Variants in SERINC5 observed in about 807,000 individuals in gnomAD.
SERINC5 encodes the protein serine incorporator 5, also known as chromosome 5 open reading frame 12.
In SERINC5, 41 loss-of-function variants were observed where a neutral mutation model predicts 63.1. That is an observed-to-expected ratio of 0.65 (90% CI 0.51 to 0.84). The LOEUF (loss-of-function observed/expected upper bound fraction) is 0.84, where lower values mean the gene tolerates loss of function less well. SERINC5 is among the 40% of genes least tolerant of loss of function. The pLI is 0.00. For missense variants in SERINC5, 523 were observed against 573.0 expected (o/e 0.91, Z 0.89); for synonymous variants, 222 against 215.2 (o/e 1.03, Z -0.28).
intron 1 of SERINC5, among the ~76,000 whole-genome samples, chr5:80,225,258 A>G (rs930072427): frequency 6.6e-6 from 1 of 152,246 alleles, no homozygotes; most frequent in Non-Finnish European, 1.5e-5. Flanking sequence ...TTTAATGTTT[A>G]TCACAGCCCT....
In SERINC5 at chr5:80,139,214, T is replaced by G; in HGVS notation, c.*4449A>C. On this transcript the variant is annotated 3_prime_UTR_variant, in exon 12 of 12. Transcript: ENST00000507668. ...ATTAGCAAAGTTATATCTATAAAAC[T>G]TTTGTAGTTTTCTTTTTGCAAAGTA... The G allele has an allele frequency of 3.1e-6, 3 of 978,068 alleles. No individual in the cohort carries two copies. The South Asian group carries it at 1.4e-4, about 46-fold the overall frequency. 60.6% of individuals were successfully genotyped at this position (978,068 alleles called of 1,614,324 possible). A position where few individuals can be genotyped will look rare whatever the true frequency, so the allele number is the denominator to read the frequency against.
chr5:80,132,615 C>G (rs1175212862), intron 11 of SERINC5, among the ~76,000 whole-genome samples: 1 of 150,852 alleles, frequency 6.6e-6, no homozygotes, highest in African/African-American at 2.4e-5. Flanking sequence ...TTTTTTATTT[C>G]CACCATGCCT....
At chr5:80,250,347 A>C (rs1488547064) in intron 1 of SERINC5, among the ~76,000 whole-genome samples, 2 of 151,908 alleles carry the variant, frequency 1.3e-5, no homozygotes, top group Non-Finnish European at 2.9e-5. Flanking sequence ...CATCATCATT[A>C]TTATTATTTT....
intron 1 of SERINC5, among the ~76,000 whole-genome samples, chr5:80,213,935 C>T (rs1428976856): frequency 6.6e-6 from 1 of 152,200 alleles, no homozygotes; most frequent in Non-Finnish European, 1.5e-5. Context: ...TGATTCTACA[C>T]TCTCTAAGCA....
chr5:80,169,788 G>C (rs1747532893), intron 5 of SERINC5, among the ~76,000 whole-genome samples: 1 of 152,184 alleles, frequency 6.6e-6, no homozygotes. Context: ...AACAATGAGA[G>C]AATTCCACTT....
At chr5:80,238,604 C>T (rs1256860281) in intron 1 of SERINC5, among the ~76,000 whole-genome samples, 1 of 151,822 alleles carries the variant, frequency 6.6e-6, no homozygotes, top group African/African-American at 2.4e-5. Context: ...ACCAACGTGG[C>T]AAAACCCGAT....
At chr5:80,234,464 T>C (rs1751597201) in intron 1 of SERINC5, among the ~76,000 whole-genome samples, 1 of 152,170 alleles carries the variant, frequency 6.6e-6, no homozygotes, top group Non-Finnish European at 1.5e-5. Flanking sequence ...TGCAAAAATG[T>C]GTTAAACTCT....
chr5:80,207,782 A>T (rs1750242983), intron 1 of SERINC5, among the ~76,000 whole-genome samples: 1 of 152,198 alleles, frequency 6.6e-6, no homozygotes, highest in African/African-American at 2.4e-5. Context: ...ATCAAAGTAA[A>T]CTATGCTAAT....
intron 1 of SERINC5, among the ~76,000 whole-genome samples, chr5:80,241,076 T>C (rs1751918496): frequency 6.6e-6 from 1 of 152,236 alleles, no homozygotes; most frequent in Non-Finnish European, 1.5e-5. Context: ...TAAATTGATC[T>C]GCCTACCTAG....
At chr5:80,173,282 A>G (rs997613529) in intron 5 of SERINC5, among the ~76,000 whole-genome samples, 75 of 145,658 alleles carry the variant, frequency 5.1e-4, no homozygotes, top group East Asian at 2.9e-3. Context: ...AGGAAGGAAG[A>G]AAATGAAATG....
chr5:80,158,812 C>G, intron 8 of SERINC5, 24 bp downstream of exon 8: 1 of 1,605,854 alleles, frequency 6.2e-7, no homozygotes, highest in Non-Finnish European at 8.5e-7. Context: ...GCAAAAGTGA[C>G]CTTGAGTAAC....
chr5:80,204,707 C>T (rs1235712652), intron 1 of SERINC5, among the ~76,000 whole-genome samples: 2 of 151,978 alleles, frequency 1.3e-5, no homozygotes, highest in East Asian at 3.9e-4. Flanking sequence ...AAGCCAAGAA[C>T]TAGTAAACAA....
At chr5:80,186,391 G>A (rs531795850) in intron 2 of SERINC5, among the ~76,000 whole-genome samples, 1 of 152,152 alleles carries the variant, frequency 6.6e-6, no homozygotes, top group East Asian at 1.9e-4. Flanking sequence ...ACCCGCCTCG[G>A]CCCCCTAAAG....
chr5:80,199,510 T>C (rs1310093100), intron 2 of SERINC5, among the ~76,000 whole-genome samples: 1 of 152,218 alleles, frequency 6.6e-6, no homozygotes, highest in Non-Finnish European at 1.5e-5. Flanking sequence ...GTGGAACATC[T>C]TCTGTTTCTC....
intron 11 of SERINC5, among the ~76,000 whole-genome samples, chr5:80,117,515 TTC>T (rs1744380457): frequency 6.6e-6 from 1 of 152,140 alleles, no homozygotes; most frequent in Non-Finnish European, 1.5e-5. Context: ...TTTGGTATCT[TTC>T]TCTGACATTC....
intron 2 of SERINC5, among the ~76,000 whole-genome samples, chr5:80,200,133 G>T (rs1182606596): frequency 1.4e-5 from 2 of 144,402 alleles, no homozygotes; most frequent in Non-Finnish European, 3.1e-5. Context: ...ACTCTAGCTT[G>T]GGCAACAGAG....
At chr5:80,250,561 C>T (rs780766140) in intron 1 of SERINC5, among the ~76,000 whole-genome samples, 6 of 152,160 alleles carry the variant, frequency 3.9e-5, no homozygotes, top group Admixed American at 6.5e-5. Flanking sequence ...AGGCTGGTCT[C>T]GAACTCCGCC....
At chr5:80,242,758 A>G (rs1752003101) in intron 1 of SERINC5, among the ~76,000 whole-genome samples, 1 of 152,100 alleles carries the variant, frequency 6.6e-6, no homozygotes, top group African/African-American at 2.4e-5. Context: ...TAAAAAAAAT[A>G]TATAACATAA....
intron 2 of SERINC5, among the ~76,000 whole-genome samples, chr5:80,188,120 TA>T: frequency 1.3e-5 from 2 of 151,580 alleles, no homozygotes; most frequent in South Asian, 4.2e-4. Flanking sequence ...CCGTCTCTGC[TA>T]AAAAATACAA....
Sources: gnomAD v4.1 joint callset for allele counts (sites outside exome capture counted in the v4.1 genomes callset) on GRCh38, gnomAD v4.1.1 for gene constraint, MANE v1.5 for transcripts, NCBI Gene and HGNC (gene_info 2026-07-23, HGNC 2026-07-21) for gene names.